Variants in SPACDR observed in about 807,000 individuals in gnomAD.
SPACDR encodes the protein uncharacterized protein C7orf61.
the SPACDR span, among the ~76,000 whole-genome samples, chr7:100,462,446 C>T: frequency 6.6e-5 from 10 of 151,910 alleles, no homozygotes; most frequent in South Asian, 4.2e-4. Context: ...ATCTCCTGAC[C>T]TCGTGATCAG....
chr7:100,463,162 C>G, the SPACDR span, among the ~76,000 whole-genome samples: 1 of 150,880 alleles, frequency 6.6e-6, no homozygotes, highest in Non-Finnish European at 1.5e-5. Context: ...TTTTAAGAGA[C>G]AGGGTCTTGC....
At chr7:100,458,343 A>G in the SPACDR span, among the ~76,000 whole-genome samples, 1 of 152,046 alleles carries the variant, frequency 6.6e-6, no homozygotes, top group Non-Finnish European at 1.5e-5. Context: ...AAACAAAAAC[A>G]TAAAAACAAA....
chr7:100,462,497 G>A, the SPACDR span, among the ~76,000 whole-genome samples: 1 of 149,574 alleles, frequency 6.7e-6, no homozygotes. Context: ...ACAGGCGTAA[G>A]CCACCGTGCC....
At chr7:100,458,451 T>C in the SPACDR span, among the ~76,000 whole-genome samples, 9 of 152,088 alleles carry the variant, frequency 5.9e-5, no homozygotes, top group Non-Finnish European at 1.3e-4. Context: ...TCATCACAAG[T>C]GTCCCTCATG....
chr7:100,462,694 G>A, the SPACDR span, among the ~76,000 whole-genome samples: 1 of 150,258 alleles, frequency 6.7e-6, no homozygotes, highest in Non-Finnish European at 1.5e-5. Context: ...TAACTTTTTT[G>A]TAGAAATGGG....
the SPACDR span, among the ~76,000 whole-genome samples, chr7:100,459,601 G>A: frequency 6.6e-6 from 1 of 151,110 alleles, no homozygotes; most frequent in African/African-American, 2.4e-5. Flanking sequence ...TGTCCTTTCC[G>A]TCTTTTTAGA....
the SPACDR span, among the ~76,000 whole-genome samples, chr7:100,461,213 A>C: frequency 6.6e-6 from 1 of 152,082 alleles, no homozygotes; most frequent in Non-Finnish European, 1.5e-5. Flanking sequence ...CCTCCCAAGT[A>C]TCTGGGATTA....
At chr7:100,458,234 G>A in the SPACDR span, among the ~76,000 whole-genome samples, 2 of 139,016 alleles carry the variant, frequency 1.4e-5, no homozygotes, top group Non-Finnish European at 3.2e-5. Flanking sequence ...GTGTGTGTGT[G>A]TGTGTATAAT....
At chr7:100,463,390 C>T in the SPACDR span, 3 of 1,606,954 alleles carry the variant, frequency 1.9e-6, no homozygotes, top group South Asian at 2.2e-5. Flanking sequence ...GCCAGCCGCT[C>T]TGCAGGGCAG....
At chr7:100,464,092 T>TGG in the SPACDR span, 1 of 127,752 alleles carries the variant, frequency 7.8e-6, no homozygotes, top group Non-Finnish European at 1.2e-5. Flanking sequence ...GGGTGGCGGG[T>TGG]GGGGGATGGG....
chr7:100,460,327 C>T, the SPACDR span, among the ~76,000 whole-genome samples: 8 of 151,878 alleles, frequency 5.3e-5, no homozygotes, highest in African/African-American at 1.7e-4. Flanking sequence ...CTGTGGCTCA[C>T]GCCTGTAATC....
the SPACDR span, among the ~76,000 whole-genome samples, chr7:100,458,984 T>C: frequency 6.6e-6 from 1 of 151,058 alleles, no homozygotes; most frequent in South Asian, 2.1e-4. Flanking sequence ...TGTGTATCAA[T>C]AGTTTGTCCT....
At chr7:100,456,691 G>T in the SPACDR span, 1 of 1,047,430 alleles carries the variant, frequency 9.5e-7, no homozygotes, top group Non-Finnish European at 1.4e-6. Flanking sequence ...GGAATGAAGG[G>T]GCTGATATGG....
the SPACDR span, chr7:100,464,005 G>T: frequency 1.2e-5 from 18 of 1,505,518 alleles, no homozygotes; most frequent in African/African-American, 2.6e-4. Context: ...CCCATCGGAA[G>T]AACTTCATGA....
chr7:100,458,261 C>CA, the SPACDR span, among the ~76,000 whole-genome samples: 1 of 147,472 alleles, frequency 6.8e-6, no homozygotes, highest in Non-Finnish European at 1.5e-5. Flanking sequence ...AAGTTTTATC[C>CA]AGTATGCAGG....
the SPACDR span, among the ~76,000 whole-genome samples, chr7:100,459,730 C>T: frequency 1.3e-4 from 20 of 152,278 alleles, no homozygotes; most frequent in African/African-American, 4.8e-4. Flanking sequence ...TTTCAAAGTG[C>T]TAGGATCACA....
At chr7:100,460,455 G>A in the SPACDR span, among the ~76,000 whole-genome samples, 2 of 151,900 alleles carry the variant, frequency 1.3e-5, no homozygotes, top group African/African-American at 4.8e-5. Context: ...GTCAGACATG[G>A]TGGTGAGTGC....
the SPACDR span, among the ~76,000 whole-genome samples, chr7:100,457,837 GTGTGTA>G: frequency 8.7e-6 from 1 of 114,740 alleles, no homozygotes; most frequent in African/African-American, 3.7e-5. Flanking sequence ...GTGTGTGTGT[GTGTGTA>G]TATATATATA....
chr7:100,457,878 A>T, the SPACDR span, among the ~76,000 whole-genome samples: 2 of 104,908 alleles, frequency 1.9e-5, no homozygotes, highest in Non-Finnish European at 3.6e-5. Context: ...TTTTTGTAGA[A>T]ATGGGGTTTT....
Sources: gnomAD v4.1 joint callset for allele counts (sites outside exome capture counted in the v4.1 genomes callset) on GRCh38, gnomAD v4.1.1 for gene constraint, MANE v1.5 for transcripts, NCBI Gene and HGNC (gene_info 2026-07-23, HGNC 2026-07-21) for gene names.